Variants in SNTG1 observed in about 807,000 individuals in gnomAD.
SNTG1 encodes the protein syntrophin gamma 1.
A neutral mutation model predicts 74.7 loss-of-function variants in SNTG1; 39 were observed. That is an observed-to-expected ratio of 0.52 (90% CI 0.40 to 0.68). The LOEUF is 0.68. Among genes scored for constraint, SNTG1 ranks in the 30% least tolerant of loss-of-function variants. The pLI is 0.00. For synonymous variants in SNTG1, 254 were observed against 217.1 expected, an observed-to-expected ratio of 1.17 and a Z score of -1.49; for missense variants, 685 against 609.5, an observed-to-expected ratio of 1.12 and a Z score of -1.30.
At chr8:50,571,933 CT>C (rs779633039) in intron 12 of SNTG1, among the ~76,000 whole-genome samples, 2 of 152,212 alleles carry the variant, frequency 1.3e-5, no homozygotes, top group Non-Finnish European at 2.9e-5. Flanking sequence ...CCAAGGACCC[CT>C]GATGAGGGAG....
intron 12 of SNTG1, among the ~76,000 whole-genome samples, chr8:50,557,019 C>G (rs935681843): frequency 6.6e-6 from 1 of 152,134 alleles, no homozygotes; most frequent in Non-Finnish European, 1.5e-5. Flanking sequence ...TGCACCCCAT[C>G]TCACACCACT....
chr8:50,672,037 A>T (rs1586033170), intron 15 of SNTG1, among the ~76,000 whole-genome samples: 1 of 102,888 alleles, frequency 9.7e-6, no homozygotes, highest in Non-Finnish European at 1.8e-5. Flanking sequence ...CACTCTGGGG[A>T]CTGTTGTGGG....
At chr8:50,699,506 A>C (rs2095416419) in intron 15 of SNTG1, among the ~76,000 whole-genome samples, 1 of 152,022 alleles carries the variant, frequency 6.6e-6, no homozygotes, top group African/African-American at 2.4e-5. Context: ...CTAGTCAGCC[A>C]TCTTGAAAAA....
intron 1 of SNTG1, among the ~76,000 whole-genome samples, chr8:50,056,285 C>A (rs1163722028): frequency 6.6e-6 from 1 of 152,066 alleles, no homozygotes; most frequent in African/African-American, 2.4e-5. Context: ...CCATAAAGGT[C>A]AAAACTGAGT....
chr8:49,935,067 G>T (rs947384261), intron 1 of SNTG1, among the ~76,000 whole-genome samples: 1 of 152,012 alleles, frequency 6.6e-6, no homozygotes, highest in Non-Finnish European at 1.5e-5. Flanking sequence ...AGGCAGAAAA[G>T]GTGTTGTCTA....
chr8:50,062,540 A>AT (rs1820565250), intron 1 of SNTG1, among the ~76,000 whole-genome samples: 1 of 151,932 alleles, frequency 6.6e-6, no homozygotes, highest in African/African-American at 2.4e-5. Flanking sequence ...TTTTGAAACT[A>AT]TTTTTTCTAT....
rs559035329 is a variant in SNTG1 at position 50,577,684 on chromosome 8, T to C, written c.811-13195T>C. Among the ~76,000 whole-genome samples the C allele has an allele frequency of 5.9e-5, 9 of 152,312 alleles. No homozygotes were observed. The East Asian group carries it at 1.7e-3, about 29-fold the overall frequency. ...GTGTTATATGTTGGCAAAGCAAGAATGTGTCAAATCTTAGTGTTAACTTCC... is the reference window on the plus strand; with the variant it reads ...GTGTTATATGTTGGCAAAGCAAGAACGTGTCAAATCTTAGTGTTAACTTCC... On this transcript the variant is annotated intron_variant, in intron 12 of 18. Transcript: ENST00000642720.
intron 2 of SNTG1, among the ~76,000 whole-genome samples, chr8:50,201,095 A>AG (rs1305501580): frequency 6.6e-6 from 1 of 152,162 alleles, no homozygotes; most frequent in Non-Finnish European, 1.5e-5. Flanking sequence ...CATGAAAAAA[A>AG]CAATATGTTA....
intron 1 of SNTG1, among the ~76,000 whole-genome samples, chr8:49,931,670 C>T (rs1253775688): frequency 1.3e-5 from 2 of 152,098 alleles, no homozygotes; most frequent in Non-Finnish European, 2.9e-5. Context: ...AAATCAATAT[C>T]GGTATGTATT....
intron 8 of SNTG1, among the ~76,000 whole-genome samples, chr8:50,458,878 T>C (rs897866571): frequency 6.6e-6 from 1 of 152,164 alleles, no homozygotes; most frequent in Non-Finnish European, 1.5e-5. Flanking sequence ...TCTCTTCAAT[T>C]ACTTAATGGT....
At chr8:50,011,910 G>A (rs1030712015) in intron 1 of SNTG1, 1 of 152,132 alleles carries the variant, frequency 6.6e-6, no homozygotes, top group African/African-American at 2.4e-5. Flanking sequence ...GAACTTTAGT[G>A]CTTTCTTTGA....
chr8:50,360,949 A>T (rs1032165705), intron 2 of SNTG1, among the ~76,000 whole-genome samples: 1 of 152,130 alleles, frequency 6.6e-6, no homozygotes, highest in African/African-American at 2.4e-5. Context: ...ATTTATTTTT[A>T]AAATTTCTTT....
intron 8 of SNTG1, chr8:50,491,468 A>G (rs1005975181): frequency 6.6e-6 from 1 of 152,308 alleles, no homozygotes; most frequent in Admixed American, 6.5e-5. Context: ...CGAAGACTAC[A>G]CAAGACGACA....
chr8:50,045,039 C>G (rs1458365524), intron 1 of SNTG1, among the ~76,000 whole-genome samples: 9 of 152,088 alleles, frequency 5.9e-5, no homozygotes, highest in Non-Finnish European at 4.4e-5. Context: ...TGATGTAGAG[C>G]CTTTTCCTAT....
At chr8:50,535,058 G>C (rs905495051) in intron 10 of SNTG1, among the ~76,000 whole-genome samples, 1 of 152,082 alleles carries the variant, frequency 6.6e-6, no homozygotes, top group African/African-American at 2.4e-5. Flanking sequence ...CATCTAAGTA[G>C]TTTGTTTTAC....
intron 12 of SNTG1, among the ~76,000 whole-genome samples, chr8:50,553,470 G>A (rs112529963): frequency 6.6e-6 from 1 of 152,152 alleles, no homozygotes; most frequent in Non-Finnish European, 1.5e-5. Context: ...AAAAGCATTC[G>A]GGAATAATAT....
At chr8:50,022,890 C>G (rs572628971) in intron 1 of SNTG1, among the ~76,000 whole-genome samples, 1 of 152,268 alleles carries the variant, frequency 6.6e-6, no homozygotes, top group South Asian at 2.1e-4. Context: ...GTTTCTGGTT[C>G]TCCATGTTAG....
In SNTG1 at chr8:50,752,004, G is replaced by A; in HGVS notation, c.1288G>A (p.Val430Ile). 3 of 1,547,624 alleles carry A rather than the reference G, an allele frequency of 1.9e-6. No individual in the cohort carries two copies. The highest frequency in any genetic ancestry group is 1.7e-6 in the Non-Finnish European group (2 of 1,154,196). The change falls in exon 18 of 19, where the codon GTC (valine) becomes ATC (isoleucine). Residue 430 changes from valine to isoleucine, a missense_variant. Transcript: ENST00000642720. ...FICFDAATKA[V>I]LWRYKFSQLK... The stretch of plus-strand genomic sequence containing the variant: ...TTGTTTTTTTTCCCCCCTTTAGGCT[G>A]TCCTTTGGAGGTATAAATTCTCTCA...
intron 2 of SNTG1, among the ~76,000 whole-genome samples, chr8:50,173,428 C>T (rs2082880497): frequency 6.6e-6 from 1 of 152,126 alleles, no homozygotes; most frequent in Non-Finnish European, 1.5e-5. Context: ...ATTCATCAAA[C>T]TCACTGATAT....
Sources: allele counts gnomAD v4.1 joint callset (sites outside exome capture counted in the v4.1 genomes callset), GRCh38; gene constraint gnomAD v4.1.1; transcripts MANE v1.5; gene names NCBI Gene and HGNC (gene_info 2026-07-23, HGNC 2026-07-21).